Variants in RAB3IL1 observed in about 807,000 individuals in gnomAD.
The protein encoded by RAB3IL1 is RAB3A interacting protein like 1.
Under a neutral mutation model 49.2 loss-of-function variants are expected in RAB3IL1, and 37 were observed. That is an observed-to-expected ratio of 0.75 (90% confidence interval 0.58 to 0.99). RAB3IL1 has a LOEUF of 0.99. Among genes scored for constraint, RAB3IL1 ranks in the 50% least tolerant of loss-of-function variants. The pLI is 0.00. For missense variants in RAB3IL1, 484 were observed against 513.0 expected, an observed-to-expected ratio of 0.94 and a Z score of 0.55; for synonymous variants, 193 against 213.9, an observed-to-expected ratio of 0.90 and a Z score of 0.85.
chr11:61,898,155 C>G lies in RAB3IL1; in HGVS notation c.*123G>C. ...GCTCAGTGCTGCCTCCATGGCCTGT[C>G]TGTCCATCCATTCTGCCTCTGGCTC... On this transcript the variant is annotated 3_prime_UTR_variant, in exon 10 of 10. Coordinates refer to ENST00000394836, the MANE Select transcript of RAB3IL1 (RefSeq NM_013401.4). This position sits in a 1 kb window ranked among gnomAD's most constrained non-coding sequence, Gnocchi z 5.1. The G allele has an allele frequency of 1.2e-6, 1 of 862,462 alleles. No individual in the cohort carries two copies. The highest frequency in any genetic ancestry group is 2.4e-5 in the East Asian group (1 of 41,296). The allele number at this position is 862,462 out of a possible 1,614,324, so 53.4% of individuals were successfully genotyped here.
chr11:61,918,517 T>C (rs2521561), upstream of RAB3IL1, among the ~76,000 whole-genome samples: 58,393 of 152,196 alleles, frequency 0.38, 12,307 homozygotes, highest in Middle Eastern at 0.56. Context: ...ATTCTACTCA[T>C]TCATACATTC....
the RAB3IL1 span, among the ~76,000 whole-genome samples, chr11:61,925,374 T>G: frequency 1.3e-5 from 2 of 152,172 alleles, no homozygotes; most frequent in Non-Finnish European, 2.9e-5. Context: ...GGTTCACACC[T>G]GTAATTCCCA....
intron 5 of RAB3IL1, 75 bp from the exon 6 acceptor site, chr11:61,904,957 A>C (rs1484521618): frequency 8.9e-7 from 1 of 1,128,766 alleles, no homozygotes; most frequent in Non-Finnish European, 1.3e-6. Context: ...GCTGAGCTGA[A>C]GGGGAGCGAG....
chr11:61,917,941 G>T (rs1939782035), upstream of RAB3IL1, among the ~76,000 whole-genome samples: 1 of 152,162 alleles, frequency 6.6e-6, no homozygotes, highest in African/African-American at 2.4e-5. Flanking sequence ...CTTAGTGCCT[G>T]TCCCTGTGCA....
chr11:61,935,343 C>T, the RAB3IL1 span, among the ~76,000 whole-genome samples: 1 of 151,158 alleles, frequency 6.6e-6, no homozygotes, highest in African/African-American at 2.4e-5. Context: ...TCGCTTGAAC[C>T]CGTGTGGCAG....
chr11:61,930,602 G>A, the RAB3IL1 span, among the ~76,000 whole-genome samples: 69 of 152,138 alleles, frequency 4.5e-4, no homozygotes, highest in African/African-American at 9.6e-4. Context: ...AACATGGGGA[G>A]ACCCCATCTC....
At chr11:61,918,971 C>T (rs772012882), upstream of RAB3IL1, among the ~76,000 whole-genome samples, 20 of 152,230 alleles carry the variant, frequency 1.3e-4, no homozygotes, top group Non-Finnish European at 2.6e-4. Flanking sequence ...ACCCCCAGCC[C>T]AGCTCAGGGT....
At position 61,898,299 on chromosome 11, in the gene RAB3IL1, G is replaced by A; in HGVS notation, c.1128C>T (p.Gly376=). The A allele has an allele frequency of 6.2e-7, 1 of 1,613,404 alleles. No homozygotes were observed. Among genetic ancestry groups the A allele is most frequent in the Non-Finnish European group, 8.5e-7 (1 of 1,179,978 alleles). ...LRKEMSLAKL[G]FFPQEA ...CGCCCTAAGCCTCCTGGGGGAAGAAGCCGAGCTTGGCCAGTGACATCTCCT... is the reference window on the plus strand; with the variant it reads ...CGCCCTAAGCCTCCTGGGGGAAGAAACCGAGCTTGGCCAGTGACATCTCCT... The change falls in exon 10 of 10, where the codon GGC becomes GGT. Residue 376 remains glycine (G), a synonymous_variant. Coordinates refer to ENST00000394836, the MANE Select transcript of RAB3IL1 (RefSeq NM_013401.4). This position sits in a 1 kb window ranked among gnomAD's most constrained non-coding sequence, Gnocchi z 5.1.
intron 1 of RAB3IL1, among the ~76,000 whole-genome samples, chr11:61,915,702 C>T (rs1939647848): frequency 1.3e-5 from 2 of 152,284 alleles, no homozygotes; most frequent in South Asian, 4.1e-4. Flanking sequence ...AAGCACAATG[C>T]CAACAAATAC....
At chr11:61,920,465 G>A (rs1591244569), upstream of RAB3IL1, among the ~76,000 whole-genome samples, 1 of 152,194 alleles carries the variant, frequency 6.6e-6, no homozygotes, top group Admixed American at 6.5e-5. Flanking sequence ...GGGAGGCCCC[G>A]TGTTTCAGCC....
intron 8 of RAB3IL1, chr11:61,899,609 C>T (rs774525874): frequency 1.3e-5 from 7 of 532,132 alleles, no homozygotes; most frequent in East Asian, 3.0e-5. Context: ...CTGCAGCGAA[C>T]GGAGCAGACG....
At chr11:61,918,714 A>G (rs1939814396), upstream of RAB3IL1, among the ~76,000 whole-genome samples, 1 of 152,244 alleles carries the variant, frequency 6.6e-6, no homozygotes, top group South Asian at 2.1e-4. Context: ...CGCTGGGCAC[A>G]GCGCACAGCA....
At chr11:61,934,450 G>GTGTATGTATGTATGTATA in the RAB3IL1 span, among the ~76,000 whole-genome samples, 6 of 31,614 alleles carry the variant, frequency 1.9e-4, no homozygotes, top group African/African-American at 2.7e-4. Context: ...GTGTGTGTAT[G>GTGTATGTATGTATGTATA]TATATATATA....
At chr11:61,941,810 C>G in the RAB3IL1 span, among the ~76,000 whole-genome samples, 16 of 152,230 alleles carry the variant, frequency 1.1e-4, no homozygotes, top group Admixed American at 7.8e-4. Context: ...CAAATATCCT[C>G]AACCAAATAC....
chr11:61,944,220 C>CTCCTTCCTTCCTTCCTTCCTTCCT, the RAB3IL1 span, among the ~76,000 whole-genome samples: 64 of 37,066 alleles, frequency 1.7e-3, 2 homozygotes, highest in African/African-American at 2.7e-3. Flanking sequence ...CCTTCCTTCC[C>CTCCTTCCTTCCTTCCTTCCTTCCT]TCCTTCCTTC....
At chr11:61,918,941 G>C (rs1232296136), upstream of RAB3IL1, among the ~76,000 whole-genome samples, 1 of 152,102 alleles carries the variant, frequency 6.6e-6, no homozygotes, top group Non-Finnish European at 1.5e-5. Flanking sequence ...CTCTTTCTTG[G>C]AGCTATGTTC....
At chr11:61,915,106 C>T (rs1369372896) in intron 1 of RAB3IL1, among the ~76,000 whole-genome samples, 2 of 152,178 alleles carry the variant, frequency 1.3e-5, no homozygotes, top group Non-Finnish European at 2.9e-5. Flanking sequence ...CTGCCTCACC[C>T]CTTCCGCCAG....
At chr11:61,921,803 C>G (rs116985542), upstream of RAB3IL1, among the ~76,000 whole-genome samples, 835 of 152,304 alleles carry the variant, frequency 5.5e-3, 4 homozygotes, top group Non-Finnish European at 8.4e-3. Context: ...ACTGTGTGGC[C>G]TTAGGCAAGT....
At chr11:61,943,779 C>T in the RAB3IL1 span, among the ~76,000 whole-genome samples, 1 of 152,116 alleles carries the variant, frequency 6.6e-6, no homozygotes, top group Non-Finnish European at 1.5e-5. Flanking sequence ...TACTGCACAC[C>T]TACTAGGATG....
Sources: gnomAD v4.1 joint callset for allele counts (sites outside exome capture counted in the v4.1 genomes callset) on GRCh38, gnomAD v4.1.1 for gene constraint, Gnocchi (gnomAD v3.1) non-coding constraint, MANE v1.5 for transcripts, NCBI Gene and HGNC (gene_info 2026-07-23, HGNC 2026-07-21) for gene names.